CWC27: variants seen among roughly 807,000 people sequenced by gnomAD.
CWC27 encodes the protein spliceosome-associated protein CWC27 homolog.
CWC27 carries 47 observed loss-of-function variants against 63.6 expected under a neutral mutation model. The observed-to-expected ratio is 0.74, with a 90% CI of 0.58 to 0.94. The LOEUF (loss-of-function observed/expected upper bound fraction) is 0.94. Among genes scored for constraint, CWC27 ranks in the 40% least tolerant of loss-of-function variants. The probability of loss-of-function intolerance (pLI) is 0.00; values close to 1 mark genes in which losing one functional copy is unlikely to be tolerated. For synonymous variants in CWC27, 175 were observed against 179.8 expected, an observed-to-expected ratio of 0.97 and a Z score of 0.22; for missense variants, 495 against 554.3, an observed-to-expected ratio of 0.89 and a Z score of 1.07.
chr5:64,918,138 C>T (rs893705819), intron 11 of CWC27, among the ~76,000 whole-genome samples: 1 of 151,992 alleles, frequency 6.6e-6, no homozygotes, highest in Non-Finnish European at 1.5e-5. Flanking sequence ...AGACACCCCC[C>T]AAAAATATAT....
chr5:65,005,056 G>A (rs1385913690), intron 13 of CWC27, among the ~76,000 whole-genome samples: 6 of 151,436 alleles, frequency 4.0e-5, no homozygotes, highest in African/African-American at 7.3e-5. Flanking sequence ...TGATTAGGCC[G>A]CACTTGTTAG....
In CWC27 at chr5:64,970,211, ATTT is replaced by A. The variant is rs11369937; in HGVS notation, c.1043-1475_1043-1473del. Among the ~76,000 whole-genome samples, 216 of 135,318 alleles carry A rather than the reference ATTT, an allele frequency of 1.6e-3. 3 individuals are homozygous for A. In the East Asian group the frequency reaches 0.025, roughly 16 times the overall value. 88.8% of individuals were successfully genotyped at this position (135,318 alleles called of 152,430 possible). A position where few individuals can be genotyped will look rare whatever the true frequency, so the allele number is the denominator to read the frequency against. On this transcript the variant is annotated intron_variant, in intron 11 of 13. Coordinates refer to ENST00000381070, the MANE Select transcript of CWC27 (RefSeq NM_005869.4). ...AATTCAGTAGAAAAATATGAAAGTA[ATTT>A]TTTTTTTTTTTTTTTTGAGACAGAG...
chr5:64,801,476 C>T, intron 9 of CWC27, 144 bp downstream of exon 9: 1 of 695,198 alleles, frequency 1.4e-6, no homozygotes, highest in Non-Finnish European at 2.1e-6. Context: ...ATATGAAAAA[C>T]AGAAATTATT....
intron 10 of CWC27, among the ~76,000 whole-genome samples, chr5:64,823,097 T>C (rs1198187278): frequency 6.6e-6 from 1 of 152,212 alleles, no homozygotes; most frequent in Non-Finnish European, 1.5e-5. Context: ...CTGAATCTCC[T>C]GCTTCCTCAT....
chr5:64,987,389 A>G (rs536366723), intron 13 of CWC27, among the ~76,000 whole-genome samples: 2 of 152,280 alleles, frequency 1.3e-5, no homozygotes, highest in South Asian at 2.1e-4. Context: ...ATTCTAGCCA[A>G]TTTGTGTATT....
At chr5:64,776,086 A>T (rs1380629434) in intron 2 of CWC27, among the ~76,000 whole-genome samples, 10 of 75,488 alleles carry the variant, frequency 1.3e-4, no homozygotes, top group Non-Finnish European at 2.5e-4. Context: ...AGAGAGAGAG[A>T]GAGAGAGAGA....
intron 13 of CWC27, among the ~76,000 whole-genome samples, chr5:65,014,499 C>A (rs1344227156): frequency 6.6e-6 from 1 of 151,852 alleles, no homozygotes; most frequent in African/African-American, 2.4e-5. Flanking sequence ...AGTGAACAAG[C>A]TCTACAATTT....
intron 11 of CWC27, among the ~76,000 whole-genome samples, chr5:64,955,938 G>A (rs528008917): frequency 6.6e-6 from 1 of 152,116 alleles, no homozygotes; most frequent in African/African-American, 2.4e-5. Flanking sequence ...CTCTCTCCCT[G>A]TCTCACCTTT....
Position 64,801,692 on chromosome 5 carries a change from T to C in CWC27, c.780+360T>C, listed in dbSNP as rs188046979. Among the ~76,000 whole-genome samples the C allele has an allele frequency of 9.9e-5, 15 of 152,244 alleles. No individual in the cohort carries two copies. In the East Asian group the frequency reaches 2.5e-3, roughly 25 times the overall value. ...GTGTGTGGGCATCCTACATGATATATGGGAAATGCTTGGATCAGTAATTTA... is the reference window on the plus strand; with the variant it reads ...GTGTGTGGGCATCCTACATGATATACGGGAAATGCTTGGATCAGTAATTTA... On this transcript the variant is annotated intron_variant, in intron 9 of 13. Coordinates refer to ENST00000381070, the MANE Select transcript of CWC27 (RefSeq NM_005869.4).
chr5:64,852,313 T>C (rs1410973574), intron 10 of CWC27, among the ~76,000 whole-genome samples: 2 of 152,176 alleles, frequency 1.3e-5, no homozygotes, highest in African/African-American at 4.8e-5. Flanking sequence ...CCAGCATAAA[T>C]GAAAATGAAA....
intron 12 of CWC27, among the ~76,000 whole-genome samples, chr5:64,974,585 TACAA>T (rs369978941): frequency 1.3e-5 from 2 of 152,308 alleles, no homozygotes; most frequent in African/African-American, 2.4e-5. Flanking sequence ...TTCTGGGAGA[TACAA>T]TTCAAGTTGA....
intron 11 of CWC27, among the ~76,000 whole-genome samples, chr5:64,924,361 G>T (rs1217022050): frequency 6.6e-6 from 1 of 152,146 alleles, no homozygotes; most frequent in Non-Finnish European, 1.5e-5. Flanking sequence ...ATGTAAAGGG[G>T]AGATTCTTCT....
chr5:64,801,725 G>T (rs1744496499), intron 9 of CWC27, among the ~76,000 whole-genome samples: 1 of 152,064 alleles, frequency 6.6e-6, no homozygotes, highest in Non-Finnish European at 1.5e-5. Context: ...TTATAGTAGT[G>T]TCTCCTTTTT....
chr5:64,920,876 T>C, intron 11 of CWC27, among the ~76,000 whole-genome samples: 1 of 152,256 alleles, frequency 6.6e-6, no homozygotes, highest in Middle Eastern at 3.4e-3. Flanking sequence ...TAGGGGTCTA[T>C]CAATTTTGTT....
intron 11 of CWC27, among the ~76,000 whole-genome samples, chr5:64,943,949 C>T (rs1748539778): frequency 6.6e-6 from 1 of 152,124 alleles, no homozygotes; most frequent in Non-Finnish European, 1.5e-5. Context: ...ACTACCAACT[C>T]ACCTGCATCT....
chr5:64,937,973 C>A (rs1328260064), intron 11 of CWC27, among the ~76,000 whole-genome samples: 1 of 129,984 alleles, frequency 7.7e-6, no homozygotes, highest in South Asian at 2.5e-4. Context: ...ATTCCTCCAT[C>A]CCTTTATTTT....
At chr5:64,870,481 TTA>T (rs202036629) in intron 10 of CWC27, among the ~76,000 whole-genome samples, 4,242 of 124,342 alleles carry the variant, frequency 0.034, 140 homozygotes, top group African/African-American at 0.085. Flanking sequence ...CTTAAATTGG[TTA>T]AAAAAAAAAA....
chr5:64,922,321 G>A (rs1335757559), intron 11 of CWC27, among the ~76,000 whole-genome samples: 2 of 152,068 alleles, frequency 1.3e-5, no homozygotes, highest in Non-Finnish European at 2.9e-5. Flanking sequence ...CAGAGGTTTT[G>A]TTCATTTTTT....
intron 7 of CWC27, among the ~76,000 whole-genome samples, chr5:64,793,723 G>A (rs531655690): frequency 1.1e-3 from 173 of 152,204 alleles, no homozygotes; most frequent in African/African-American, 4.1e-3. Flanking sequence ...TATTTCTAAA[G>A]GGCTTAAAAA....
Sources: gnomAD v4.1 joint callset for allele counts (sites outside exome capture counted in the v4.1 genomes callset) on GRCh38, gnomAD v4.1.1 for gene constraint, MANE v1.5 for transcripts, NCBI Gene and HGNC (gene_info 2026-07-23, HGNC 2026-07-21) for gene names.